ATP8A2: variants seen among roughly 807,000 people sequenced by gnomAD.
The protein encoded by ATP8A2 is ATPase phospholipid transporting 8A2, also known as phospholipid-transporting ATPase IB.
In ATP8A2, 100 loss-of-function variants were observed where a neutral mutation model predicts 165.6. The observed-to-expected ratio is 0.60, with a 90% CI of 0.51 to 0.71. The LOEUF is 0.71. ATP8A2 is among the 30% of genes least tolerant of loss of function. The pLI, the probability that ATP8A2 is intolerant of heterozygous loss-of-function variation, is 0.00. For synonymous variants in ATP8A2, 543 were observed against 548.8 expected, an observed-to-expected ratio of 0.99 and a Z score of 0.15; for missense variants, 1,227 against 1,479.5, an observed-to-expected ratio of 0.83 and a Z score of 2.80.
At chr13:25,545,823 C>T (rs936985150) in intron 10 of ATP8A2, among the ~76,000 whole-genome samples, 4 of 152,098 alleles carry the variant, frequency 2.6e-5, no homozygotes, top group African/African-American at 9.7e-5. Flanking sequence ...TTTGTAGAGA[C>T]GGGATTTCAC....
At chr13:25,473,135 A>G (rs1472274901) in intron 2 of ATP8A2, among the ~76,000 whole-genome samples, 4 of 152,206 alleles carry the variant, frequency 2.6e-5, no homozygotes, top group Admixed American at 6.5e-5. Context: ...TATGCACTAC[A>G]TGAGAACTCT....
In ATP8A2 at chr13:25,885,830, T is replaced by C. The variant is rs539586437; in HGVS notation, c.3183+23422T>C. 2.6e-5 allele frequency among the ~76,000 whole-genome samples: 4 copies of C among 152,336 alleles called. No individual in the cohort carries two copies. In the South Asian group the frequency reaches 8.3e-4, roughly 32 times the overall value. On this transcript the variant is annotated intron_variant, in intron 33 of 36. Coordinates refer to ENST00000381655, the MANE Select transcript of ATP8A2 (RefSeq NM_016529.6). ...CATTACTCCTTAATAATGTGTTTAT[T>C]TATCTAGACTCACACGATTCTCTCT...
chr13:25,778,699 C>T (rs1488003747), intron 27 of ATP8A2, among the ~76,000 whole-genome samples: 1 of 152,154 alleles, frequency 6.6e-6, no homozygotes, highest in Non-Finnish European at 1.5e-5. Context: ...CCTGCAGCCC[C>T]TTCCCAGGCT....
intron 4 of ATP8A2, 103 bp from the exon 5 acceptor site, chr13:25,532,169 T>G: frequency 1.1e-6 from 1 of 876,210 alleles, no homozygotes. Flanking sequence ...TATTGGCATT[T>G]AGTTTCCTTG....
chr13:25,394,241 C>T (rs535049244), intron 1 of ATP8A2, among the ~76,000 whole-genome samples: 7 of 152,264 alleles, frequency 4.6e-5, no homozygotes, highest in Admixed American at 3.9e-4. Flanking sequence ...CCTGTTCTGG[C>T]CATTGGTAGG....
chr13:25,894,759 A>G (rs921177173), intron 33 of ATP8A2, among the ~76,000 whole-genome samples: 1 of 152,092 alleles, frequency 6.6e-6, no homozygotes, highest in Admixed American at 6.5e-5. Context: ...CATCCCTTGT[A>G]AGTTGGATTC....
At position 25,555,082 on chromosome 13, in the gene ATP8A2, T is replaced by C; in HGVS notation, c.1263+14T>C. Reference sequence around the variant, plus strand: ...GAGCTTGGGCAGGTGAAAAAGCCTCTGGGAACTTTGGGAATGGTGACACGA... The same window carrying C: ...GAGCTTGGGCAGGTGAAAAAGCCTCCGGGAACTTTGGGAATGGTGACACGA... On this transcript the variant is annotated intron_variant, in intron 13 of 36. Coordinates refer to ENST00000381655, the MANE Select transcript of ATP8A2 (RefSeq NM_016529.6). The C allele has an allele frequency of 6.3e-7, 1 of 1,577,638 alleles. No homozygotes were observed. Among genetic ancestry groups the C allele is most frequent in the Non-Finnish European group, 8.7e-7 (1 of 1,147,592 alleles).
At chr13:25,989,184 TA>T (rs1956333987) in intron 35 of ATP8A2, among the ~76,000 whole-genome samples, 1 of 152,250 alleles carries the variant, frequency 6.6e-6, no homozygotes, top group Non-Finnish European at 1.5e-5. Context: ...TTTGGATGCT[TA>T]TTTGAATTTG....
At chr13:25,517,655 A>G (rs2137820847) in intron 2 of ATP8A2, among the ~76,000 whole-genome samples, 1 of 152,368 alleles carries the variant, frequency 6.6e-6, no homozygotes, top group East Asian at 1.9e-4. Flanking sequence ...ATAGTCTAAA[A>G]GAGCACTAAT....
chr13:25,958,097 A>G (rs1955568991), intron 33 of ATP8A2, among the ~76,000 whole-genome samples: 1 of 151,962 alleles, frequency 6.6e-6, no homozygotes, highest in Admixed American at 6.6e-5. Flanking sequence ...ACACATGGAC[A>G]CAGGGAGGGG....
intron 24 of ATP8A2, among the ~76,000 whole-genome samples, chr13:25,638,954 A>G (rs2137553853): frequency 6.6e-6 from 1 of 152,326 alleles, no homozygotes; most frequent in East Asian, 1.9e-4. Context: ...CCAATATTCA[A>G]CATTCTTAAA....
chr13:25,827,906 T>C (rs1180445674), intron 27 of ATP8A2, among the ~76,000 whole-genome samples: 1 of 152,258 alleles, frequency 6.6e-6, no homozygotes, highest in Non-Finnish European at 1.5e-5. Flanking sequence ...AAAGTAGATG[T>C]ATGCCTTAAA....
In ATP8A2 at chr13:25,398,694, C is replaced by A. The variant is rs558247728; in HGVS notation, c.76+26406C>A. On this transcript the variant is annotated intron_variant, in intron 1 of 36. Transcript: ENST00000381655. ...CACAAATTTGAATGAGACTTAGTCCCTGTCCTTGAGGAACTCAGGAGGGGA... is the reference window on the plus strand; with the variant it reads ...CACAAATTTGAATGAGACTTAGTCCATGTCCTTGAGGAACTCAGGAGGGGA... Among the ~76,000 whole-genome samples the A allele has an allele frequency of 3.1e-3, 479 of 152,316 alleles. 4 individuals are homozygous for A. Among genetic ancestry groups the A allele is most frequent in the Non-Finnish European group, 4.1e-3 (280 of 68,042 alleles).
chr13:25,706,684 G>A (rs1175215733), intron 25 of ATP8A2, among the ~76,000 whole-genome samples: 2 of 152,218 alleles, frequency 1.3e-5, no homozygotes, highest in East Asian at 3.9e-4. Flanking sequence ...TTTCATTCAT[G>A]ATGTGATTTC....
intron 24 of ATP8A2, among the ~76,000 whole-genome samples, chr13:25,620,246 G>A (rs914794435): frequency 1.1e-4 from 17 of 152,284 alleles, no homozygotes; most frequent in African/African-American, 4.1e-4. Flanking sequence ...GATGGGTACA[G>A]CATTGCTTCC....
At chr13:25,876,741 A>T (rs1314544750) in intron 33 of ATP8A2, among the ~76,000 whole-genome samples, 1 of 152,242 alleles carries the variant, frequency 6.6e-6, no homozygotes, top group Non-Finnish European at 1.5e-5. Flanking sequence ...TGAATGCTAA[A>T]TCGTTTAAAA....
intron 1 of ATP8A2, among the ~76,000 whole-genome samples, chr13:25,397,509 C>G (rs1258895668): frequency 6.6e-6 from 1 of 152,150 alleles, no homozygotes; most frequent in Non-Finnish European, 1.5e-5. Flanking sequence ...TGCACAGTCA[C>G]ACTCCAGGAC....
At chr13:25,520,804 C>A (rs1277204826) in intron 2 of ATP8A2, among the ~76,000 whole-genome samples, 1 of 151,998 alleles carries the variant, frequency 6.6e-6, no homozygotes, top group East Asian at 1.9e-4. Flanking sequence ...TTAGTAGAGA[C>A]AAGGTTTCAC....
At chr13:25,718,193 T>A (rs1262018223) in intron 25 of ATP8A2, among the ~76,000 whole-genome samples, 2 of 148,448 alleles carry the variant, frequency 1.3e-5, no homozygotes, top group Non-Finnish European at 1.5e-5. Context: ...AAAATTAGGT[T>A]AAGATCAATT....
Sources: allele counts gnomAD v4.1 joint callset (sites outside exome capture counted in the v4.1 genomes callset), GRCh38; gene constraint gnomAD v4.1.1; transcripts MANE v1.5; gene names NCBI Gene and HGNC (gene_info 2026-07-23, HGNC 2026-07-21).